The following MACROD2 variants were observed in gnomAD, a reference collection of about 807,000 sequenced individuals.
MACROD2 encodes ADP-ribose glycohydrolase MACROD2.
MACROD2 carries 36 observed loss-of-function variants against 70.4 expected under a neutral mutation model. The observed-to-expected ratio is 0.51, with a 90% CI of 0.39 to 0.68. The LOEUF is 0.68. MACROD2 is among the 30% of genes least tolerant of loss of function. The pLI is 0.00. For synonymous variants in MACROD2, 172 were observed against 178.8 expected, an observed-to-expected ratio of 0.96 and a Z score of 0.30; for missense variants, 496 against 538.4, an observed-to-expected ratio of 0.92 and a Z score of 0.78.
At chr20:14,810,286 T>C (rs1388710145) in intron 5 of MACROD2, among the ~76,000 whole-genome samples, 1 of 152,100 alleles carries the variant, frequency 6.6e-6, no homozygotes, top group Non-Finnish European at 1.5e-5. Flanking sequence ...TGGTTCAACA[T>C]ATGAAAATCA....
At chr20:14,165,686 G>A (rs11696915) in intron 3 of MACROD2, among the ~76,000 whole-genome samples, 2,895 of 152,280 alleles carry the variant, frequency 0.019, 37 homozygotes, top group Non-Finnish European at 0.031. Flanking sequence ...ACAATGCCTT[G>A]TATAGCAGGG....
intron 3 of MACROD2, among the ~76,000 whole-genome samples, chr20:14,273,710 G>A (rs577422673): frequency 6.6e-6 from 1 of 152,062 alleles, no homozygotes; most frequent in Non-Finnish European, 1.5e-5. Flanking sequence ...TCAGGAGCTG[G>A]TTTTTTGAAA....
At chr20:15,363,600 C>T (rs1216723641) in intron 6 of MACROD2, among the ~76,000 whole-genome samples, 1 of 152,140 alleles carries the variant, frequency 6.6e-6, no homozygotes, top group African/African-American at 2.4e-5. Context: ...ATCATTTGAC[C>T]TGCACTATAT....
chr20:15,623,328 A>G (rs898959391), intron 8 of MACROD2, among the ~76,000 whole-genome samples: 58 of 152,254 alleles, frequency 3.8e-4, no homozygotes, highest in African/African-American at 1.4e-3. Flanking sequence ...AGTATGTCCA[A>G]TTTCTCTGAT....
intron 6 of MACROD2, among the ~76,000 whole-genome samples, chr20:15,391,805 GT>G (rs1297615243): frequency 6.6e-6 from 1 of 152,146 alleles, no homozygotes; most frequent in African/African-American, 2.4e-5. Flanking sequence ...TTAGGCCACC[GT>G]TGAAGGGCTT....
At chr20:15,232,381 T>A (rs923005163) in intron 6 of MACROD2, among the ~76,000 whole-genome samples, 8 of 152,082 alleles carry the variant, frequency 5.3e-5, no homozygotes, top group Non-Finnish European at 1.0e-4. Flanking sequence ...AAAGAATTTC[T>A]CATAAATCCT....
intron 3 of MACROD2, among the ~76,000 whole-genome samples, chr20:14,269,249 C>G (rs1365485755): frequency 6.6e-6 from 1 of 152,066 alleles, no homozygotes; most frequent in Non-Finnish European, 1.5e-5. Flanking sequence ...TGGCAAATCA[C>G]TGGAAAAAGA....
chr20:15,363,375 G>A (rs1490844319), intron 6 of MACROD2, among the ~76,000 whole-genome samples: 2 of 152,182 alleles, frequency 1.3e-5, no homozygotes, highest in East Asian at 3.8e-4. Context: ...GTATAATCAC[G>A]TAAACCTATG....
At chr20:15,237,374 G>A (rs915181048) in intron 6 of MACROD2, among the ~76,000 whole-genome samples, 6 of 152,298 alleles carry the variant, frequency 3.9e-5, no homozygotes, top group South Asian at 2.1e-4. Flanking sequence ...GTGATTCTAC[G>A]TAGTGAAGCA....
At chr20:14,714,274 C>T (rs1295237871) in intron 5 of MACROD2, among the ~76,000 whole-genome samples, 2 of 151,990 alleles carry the variant, frequency 1.3e-5, no homozygotes, top group African/African-American at 4.8e-5. Context: ...CACATATGTC[C>T]ATCCTGCATT....
At chr20:15,359,159 G>T (rs2078323158) in intron 6 of MACROD2, among the ~76,000 whole-genome samples, 1 of 152,010 alleles carries the variant, frequency 6.6e-6, no homozygotes. Flanking sequence ...ATAACTTAAT[G>T]TAATTTAATT....
chr20:15,474,939 C>T (rs770195323), intron 7 of MACROD2, among the ~76,000 whole-genome samples: 5 of 152,006 alleles, frequency 3.3e-5, no homozygotes, highest in East Asian at 1.9e-4. Flanking sequence ...GCTTCCCCCT[C>T]GCCCCTACGG....
chr20:14,272,444 TGA>T (rs2082204787), intron 3 of MACROD2, among the ~76,000 whole-genome samples: 1 of 151,552 alleles, frequency 6.6e-6, no homozygotes, highest in Non-Finnish European at 1.5e-5. Flanking sequence ...AAGCAAATGC[TGA>T]GAGATTTTGT....
chr20:15,825,462 A>G (rs1231061288), intron 8 of MACROD2, among the ~76,000 whole-genome samples: 1 of 151,270 alleles, frequency 6.6e-6, no homozygotes, highest in Admixed American at 6.6e-5. Flanking sequence ...CAGTCCACCC[A>G]TCCAATTGTA....
At chr20:14,037,860 A>G (rs1026317526) in intron 2 of MACROD2, among the ~76,000 whole-genome samples, 1 of 151,918 alleles carries the variant, frequency 6.6e-6, no homozygotes, top group African/African-American at 2.4e-5. Flanking sequence ...AAAAACCCCA[A>G]GAAAATTAGC....
intron 5 of MACROD2, among the ~76,000 whole-genome samples, chr20:14,956,239 C>T (rs553760445): frequency 6.6e-5 from 10 of 152,204 alleles, no homozygotes; most frequent in Non-Finnish European, 1.0e-4. Context: ...CAGGTGGTGA[C>T]GAACTGCAGC....
intron 10 of MACROD2, among the ~76,000 whole-genome samples, chr20:15,911,242 A>G (rs2065232440): frequency 6.6e-6 from 1 of 152,184 alleles, no homozygotes; most frequent in African/African-American, 2.4e-5. Context: ...ACTATGGACC[A>G]AGTAGGAGCT....
chr20:15,283,510 T>A (rs543349447), intron 6 of MACROD2, among the ~76,000 whole-genome samples: 1 of 151,924 alleles, frequency 6.6e-6, no homozygotes, highest in Non-Finnish European at 1.5e-5. Context: ...CCATCTCTAC[T>A]AAAAACAAAA....
At chr20:14,011,908 C>T (rs144414853) in intron 2 of MACROD2, among the ~76,000 whole-genome samples, 38 of 151,732 alleles carry the variant, frequency 2.5e-4, no homozygotes, top group Admixed American at 2.0e-3. Context: ...ACTATTATTG[C>T]GACTTTTCTT....
Sources: allele counts gnomAD v4.1 joint callset (sites outside exome capture counted in the v4.1 genomes callset), GRCh38; gene constraint gnomAD v4.1.1; transcripts MANE v1.5; gene names NCBI Gene and HGNC (gene_info 2026-07-23, HGNC 2026-07-21).